The following THNSL1 variants were observed in gnomAD, a reference collection of about 807,000 sequenced individuals.
THNSL1 encodes the protein threonine synthase-like 1.
A neutral mutation model predicts 50.4 loss-of-function variants in THNSL1; 48 were observed. The observed-to-expected ratio is 0.95, with a 90% CI of 0.76 to 1.21. The LOEUF (loss-of-function observed/expected upper bound fraction) is 1.21. Among genes scored for constraint, THNSL1 ranks in the 50% most tolerant of loss-of-function variants. The pLI is 0.00. For missense variants in THNSL1, 896 were observed against 871.7 expected (o/e 1.03, Z -0.35); for synonymous variants, 309 against 306.1 (o/e 1.01, Z -0.10).
At position 25,026,452 on chromosome 10, in the gene THNSL1, G is replaced by A. The variant is rs959051923; in HGVS notation, c.*997G>A. On this transcript the variant is annotated 3_prime_UTR_variant, in exon 3 of 3. Coordinates refer to ENST00000376356, the MANE Select transcript of THNSL1 (RefSeq NM_024838.5). ...TAGTCTCAATAGGAGTGTATTTGTA[G>A]ACAGCAGTTTCCCTATATTATTTGG... 2.4e-5 allele frequency: 4 copies of A among 167,054 alleles called. No individual in the cohort carries two copies. The highest frequency in any genetic ancestry group is 7.2e-5 in the African/African-American group (3 of 41,472). 10.3% of individuals were successfully genotyped at this position (167,054 alleles called of 1,614,324 possible).
At chr10:25,001,039 T>G in the THNSL1 span, among the ~76,000 whole-genome samples, 4 of 152,090 alleles carry the variant, frequency 2.6e-5, no homozygotes, top group Non-Finnish European at 4.4e-5. Context: ...TACTTTTCTG[T>G]GTGGTATAAA....
At position 25,025,588 on chromosome 10, in the gene THNSL1, ATCTC is replaced by A; in HGVS notation, c.*135_*138del. ...ATCTGTTTGGAATTTCAAAAGTCTGATCTCTAGGGCTGACATGAGAACTCCATGT... is the reference window on the plus strand; with the variant it reads ...ATCTGTTTGGAATTTCAAAAGTCTGATAGGGCTGACATGAGAACTCCATGT... On this transcript the variant is annotated 3_prime_UTR_variant, in exon 3 of 3. Coordinates refer to ENST00000376356, the MANE Select transcript of THNSL1 (RefSeq NM_024838.5). 2 of 870,340 alleles carry A rather than the reference ATCTC, an allele frequency of 2.3e-6. No homozygotes were observed. The highest frequency in any genetic ancestry group is 3.5e-6 in the Non-Finnish European group (2 of 572,796). The allele number at this position is 870,340 out of a possible 1,614,324, so 53.9% of individuals were successfully genotyped here. A position where few individuals can be genotyped will look rare whatever the true frequency, so the allele number is the denominator to read the frequency against.
intron 2 of THNSL1, among the ~76,000 whole-genome samples, chr10:25,022,955 GT>G (rs1850754568): frequency 6.6e-6 from 1 of 152,144 alleles, no homozygotes; most frequent in African/African-American, 2.4e-5. Flanking sequence ...TGATTTTTCA[GT>G]GTCTTGAGAT....
the THNSL1 span, among the ~76,000 whole-genome samples, chr10:24,961,096 T>C: frequency 6.6e-6 from 1 of 152,236 alleles, no homozygotes; most frequent in Non-Finnish European, 1.5e-5. Context: ...CTGGAAAATA[T>C]AGAAAAACAG....
At chr10:24,986,428 A>G in the THNSL1 span, among the ~76,000 whole-genome samples, 9 of 152,332 alleles carry the variant, frequency 5.9e-5, no homozygotes, top group South Asian at 1.9e-3. Flanking sequence ...TAAAAAGAGG[A>G]GGCTACACAG....
the THNSL1 span, among the ~76,000 whole-genome samples, chr10:24,981,497 G>C: frequency 1.4e-4 from 22 of 152,304 alleles, no homozygotes; most frequent in African/African-American, 5.1e-4. Context: ...CTTCTAAGTG[G>C]TTCAAACAAG....
chr10:24,999,472 G>T, the THNSL1 span: 1 of 1,613,126 alleles, frequency 6.2e-7, no homozygotes, highest in Admixed American at 1.7e-5. Flanking sequence ...AACTTTTGCT[G>T]GTCCCATAGT....
At chr10:24,993,375 C>T in the THNSL1 span, among the ~76,000 whole-genome samples, 14 of 152,316 alleles carry the variant, frequency 9.2e-5, no homozygotes, top group Non-Finnish European at 1.9e-4. Context: ...CTCACTACAA[C>T]CCTGTGATAA....
At chr10:24,979,181 G>A in the THNSL1 span, among the ~76,000 whole-genome samples, 2 of 152,176 alleles carry the variant, frequency 1.3e-5, no homozygotes, top group Non-Finnish European at 2.9e-5. Flanking sequence ...CTTAACTGCC[G>A]AAAAATTTCC....
At chr10:24,995,260 T>C in the THNSL1 span, among the ~76,000 whole-genome samples, 33 of 152,350 alleles carry the variant, frequency 2.2e-4, no homozygotes, top group East Asian at 6.0e-3. Flanking sequence ...GCTGCCAAGT[T>C]ACTGCAATTA....
chr10:24,956,587 T>C, the THNSL1 span, among the ~76,000 whole-genome samples: 1 of 152,112 alleles, frequency 6.6e-6, no homozygotes, highest in South Asian at 2.1e-4. Flanking sequence ...ACTACATGTA[T>C]ACATTGCATA....
the THNSL1 span, chr10:24,984,814 C>T: frequency 5.0e-6 from 8 of 1,613,706 alleles, no homozygotes; most frequent in South Asian, 8.8e-5. Flanking sequence ...TTCTTCCAGC[C>T]TCTGCTTGCG....
At chr10:24,992,246 C>T in the THNSL1 span, among the ~76,000 whole-genome samples, 1 of 151,786 alleles carries the variant, frequency 6.6e-6, no homozygotes, top group East Asian at 1.9e-4. Context: ...AGAGACTCAC[C>T]AAAAATAGAG....
the THNSL1 span, among the ~76,000 whole-genome samples, chr10:24,996,365 T>C: frequency 1.3e-5 from 2 of 151,992 alleles, no homozygotes; most frequent in African/African-American, 2.4e-5. Context: ...GAGGTTGCAG[T>C]GAACCGAGAT....
chr10:24,986,387 G>A, the THNSL1 span, among the ~76,000 whole-genome samples: 1 of 152,156 alleles, frequency 6.6e-6, no homozygotes, highest in Non-Finnish European at 1.5e-5. Context: ...GAAAGGGAAA[G>A]GATAGAAGAA....
At chr10:24,997,377 CTT>C in the THNSL1 span, among the ~76,000 whole-genome samples, 75 of 139,130 alleles carry the variant, frequency 5.4e-4, no homozygotes, top group African/African-American at 1.4e-3. Flanking sequence ...CCCTGCATTC[CTT>C]TTTTTTTTTT....
At chr10:24,984,841 G>C in the THNSL1 span, 2 of 1,613,574 alleles carry the variant, frequency 1.2e-6, no homozygotes, top group Non-Finnish European at 1.7e-6. Flanking sequence ...CTTTGGTATA[G>C]AATCTATAAA....
chr10:24,990,671 G>A, the THNSL1 span: 130 of 1,437,532 alleles, frequency 9.0e-5, no homozygotes, highest in Non-Finnish European at 1.1e-4. Context: ...ATATGGGTAC[G>A]TATCAACTGA....
At chr10:25,013,869 G>A (rs1045907074), upstream of THNSL1, among the ~76,000 whole-genome samples, 3 of 152,060 alleles carry the variant, frequency 2.0e-5, no homozygotes, top group East Asian at 1.9e-4. Flanking sequence ...TTGAACCCAG[G>A]AGGCAGAAGC....
Sources: allele counts gnomAD v4.1 joint callset (sites outside exome capture counted in the v4.1 genomes callset), GRCh38; gene constraint gnomAD v4.1.1; transcripts MANE v1.5; gene names NCBI Gene and HGNC (gene_info 2026-07-23, HGNC 2026-07-21).